The following ANKHD1 variants were observed in gnomAD, a reference collection of about 807,000 sequenced individuals.
ANKHD1 encodes the protein ankyrin repeat and KH domain-containing protein 1.
A neutral mutation model predicts 230.5 loss-of-function variants in ANKHD1; 31 were observed. The observed-to-expected ratio is 0.13, with a 90% CI of 0.10 to 0.18. The LOEUF (loss-of-function observed/expected upper bound fraction) is 0.18, where lower values mean the gene tolerates loss of function less well. Ranked by LOEUF, ANKHD1 falls within the 10% of genes least tolerant of loss-of-function variation. ANKHD1 has a pLI of 1.00. For synonymous variants in ANKHD1, 1,074 were observed against 1,117.6 expected (o/e 0.96, Z 0.78); for missense variants, 2,256 against 3,071.3 (o/e 0.73, Z 6.27).
At chr5:140,499,526 G>A (rs548057544) in intron 15 of ANKHD1, among the ~76,000 whole-genome samples, 5 of 152,152 alleles carry the variant, frequency 3.3e-5, no homozygotes, top group Admixed American at 1.3e-4. Flanking sequence ...TTTAAATATA[G>A]GAGTATTATT....
intron 1 of ANKHD1, among the ~76,000 whole-genome samples, chr5:140,421,334 C>T (rs1449736530): frequency 8.4e-6 from 1 of 119,452 alleles, no homozygotes; most frequent in East Asian, 2.6e-4. Context: ...CAGTTTCGCT[C>T]TTGTCGCCCA....
In ANKHD1 at chr5:140,496,608, A is replaced by G. The variant is rs2127037047; in HGVS notation, c.2334A>G (p.Ile778Met). Reference sequence around the variant, plus strand: ...ACCCATACCAGCCTTTGGAGTGCATAGTAGAGGAGACTGAAGGCAAGCTGA... The same window carrying G: ...ACCCATACCAGCCTTTGGAGTGCATGGTAGAGGAGACTGAAGGCAAGCTGA... Reference protein sequence around the residue: ...SFHPYQPLECIVEETEGKLNE... With the variant: ...SFHPYQPLECMVEETEGKLNE... Residue 778 changes from isoleucine (I) to methionine (M), a missense_variant, in exon 15 of 34, where the codon ATA becomes ATG. Ile to Met is a conservative substitution (Grantham distance 10). This residue lies in a region of ANKHD1 where 358 missense variants were observed against 397.7 expected (regional missense o/e 0.90). Transcript: ENST00000360839. The G allele has an allele frequency of 6.2e-7, 1 of 1,613,644 alleles. No homozygotes were observed. Among genetic ancestry groups the G allele is most frequent in the Non-Finnish European group, 8.5e-7 (1 of 1,179,964 alleles).
intron 1 of ANKHD1, among the ~76,000 whole-genome samples, chr5:140,402,963 T>C (rs1770094902): frequency 7.0e-6 from 1 of 142,192 alleles, no homozygotes; most frequent in Non-Finnish European, 1.5e-5. Context: ...GGAAACCTCT[T>C]CTTTTTTTTT....
intron 24 of ANKHD1, among the ~76,000 whole-genome samples, chr5:140,520,184 C>A (rs2127075628): frequency 6.6e-6 from 1 of 152,234 alleles, no homozygotes; most frequent in East Asian, 1.9e-4. Context: ...AAAAATGCTC[C>A]TCATCACTGG....
At chr5:140,408,519 A>G (rs950868134) in intron 1 of ANKHD1, among the ~76,000 whole-genome samples, 1 of 152,206 alleles carries the variant, frequency 6.6e-6, no homozygotes, top group Non-Finnish European at 1.5e-5. Context: ...AGCTCTGAAA[A>G]TATAGCACAA....
chr5:140,497,668 T>A (rs986592137), intron 15 of ANKHD1, among the ~76,000 whole-genome samples: 1 of 152,206 alleles, frequency 6.6e-6, no homozygotes, highest in Non-Finnish European at 1.5e-5. Context: ...GTCTGGAAAT[T>A]TAAAATCACA....
intron 32 of ANKHD1, among the ~76,000 whole-genome samples, chr5:140,538,487 T>C (rs1230845781): frequency 6.6e-6 from 1 of 152,232 alleles, no homozygotes; most frequent in Non-Finnish European, 1.5e-5. Flanking sequence ...CTTTGTGCTC[T>C]GCTACTACAG....
chr5:140,412,692 C>T (rs562809082), intron 1 of ANKHD1, among the ~76,000 whole-genome samples: 3 of 152,248 alleles, frequency 2.0e-5, no homozygotes, highest in African/African-American at 7.2e-5. Flanking sequence ...ATTTGTTTTA[C>T]AATATTGTTA....
At chr5:140,415,138 C>T (rs1253048931) in intron 1 of ANKHD1, among the ~76,000 whole-genome samples, 5 of 152,016 alleles carry the variant, frequency 3.3e-5, no homozygotes, top group Non-Finnish European at 2.9e-5. Flanking sequence ...AATCCCAGCG[C>T]TTTGGGGGGC....
intron 1 of ANKHD1, among the ~76,000 whole-genome samples, chr5:140,409,276 C>T (rs1309257248): frequency 2.0e-5 from 3 of 152,186 alleles, no homozygotes; most frequent in East Asian, 3.9e-4. Flanking sequence ...AACTAGCATG[C>T]ACTGCTGTAA....
rs202201726 is a variant in ANKHD1, at chr5:140,538,055, T to G, written c.7229-31T>G. 1.5e-5 allele frequency: 24 copies of G among 1,579,110 alleles called. No individual in the cohort carries two copies. The Admixed American group carries it at 3.6e-4, about 23-fold the overall frequency. On this transcript the variant is annotated intron_variant, in intron 31 of 33. Transcript: ENST00000360839. ...GTTTTGTTGTTTTATCCAAATAAAT[T>G]TAAAACTTTGTTTTCAATTATTCTT...
At chr5:140,513,062 A>G in intron 23 of ANKHD1, 139 bp downstream of exon 23, 4 of 808,098 alleles carry the variant, frequency 4.9e-6, no homozygotes, top group Non-Finnish European at 7.6e-6. Context: ...CTCCATTTGC[A>G]AAATAGAGGG....
chr5:140,462,517 G>T (rs553389724), intron 9 of ANKHD1, among the ~76,000 whole-genome samples: 1 of 151,724 alleles, frequency 6.6e-6, no homozygotes, highest in South Asian at 2.1e-4. Flanking sequence ...AAGGTCAGGA[G>T]ATCAAGACCA....
intron 1 of ANKHD1, among the ~76,000 whole-genome samples, chr5:140,418,649 T>TAATA (rs1318600141): frequency 2.6e-5 from 4 of 152,230 alleles, no homozygotes; most frequent in Admixed American, 6.5e-5. Context: ...CAGAATCATA[T>TAATA]AATATGTGGT....
chr5:140,449,826 GA>G (rs1774571483), intron 7 of ANKHD1, among the ~76,000 whole-genome samples: 1 of 152,126 alleles, frequency 6.6e-6, no homozygotes, highest in Non-Finnish European at 1.5e-5. Context: ...GGAGATAGTA[GA>G]CATAGTTCTA....
At chr5:140,461,020 C>T (rs1427364177) in intron 9 of ANKHD1, among the ~76,000 whole-genome samples, 1 of 152,188 alleles carries the variant, frequency 6.6e-6, no homozygotes, top group African/African-American at 2.4e-5. Flanking sequence ...ATTCTTCCCA[C>T]ATCCCTCTCT....
intron 29 of ANKHD1, among the ~76,000 whole-genome samples, chr5:140,531,936 C>T (rs1029324494): frequency 3.3e-5 from 5 of 152,110 alleles, no homozygotes; most frequent in South Asian, 2.1e-4. Flanking sequence ...GGGCCAGGCG[C>T]GGTGGCTCAC....
At chr5:140,440,913 T>G (rs2126921122) in intron 4 of ANKHD1, 82 bp from the exon 5 acceptor site, 1 of 1,361,900 alleles carries the variant, frequency 7.3e-7, no homozygotes, top group Admixed American at 3.1e-5. Context: ...GAAGAATATC[T>G]TCAGAGATTC....
Position 140,483,715 on chromosome 5 carries a change from C to T in ANKHD1, c.1870+1048C>T, listed in dbSNP as rs201751377. On this transcript the variant is annotated intron_variant, in intron 11 of 33. Coordinates refer to ENST00000360839, the MANE Select transcript of ANKHD1 (RefSeq NM_017747.3). ...TCAGGTGATCTGCCCGCCTCGGCCT[C>T]CCAAAGTGCTGGGATTACAGGCATG... Among the ~76,000 whole-genome samples, 14 of 152,236 alleles carry T rather than the reference C, an allele frequency of 9.2e-5. No homozygotes were observed. The East Asian group carries it at 2.7e-3, about 29-fold the overall frequency.
Sources: gnomAD v4.1 joint callset for allele counts (sites outside exome capture counted in the v4.1 genomes callset) on GRCh38, gnomAD v4.1.1 for gene constraint, gnomAD v4.1.1 regional missense constraint, MANE v1.5 for transcripts, NCBI Gene and HGNC (gene_info 2026-07-23, HGNC 2026-07-21) for gene names.